Variants in ZNG1E observed in about 807,000 individuals in gnomAD.
ZNG1E encodes zinc-regulated GTPase metalloprotein activator 1E.
the ZNG1E span, among the ~76,000 whole-genome samples, chr9:65,717,766 T>C: frequency 4.6e-3 from 676 of 147,848 alleles, 9 homozygotes; most frequent in South Asian, 0.03. Flanking sequence ...CAGCTCCCTA[T>C]AGCCTCTGTG....
At chr9:65,654,112 TG>T in the ZNG1E span, among the ~76,000 whole-genome samples, 2 of 151,628 alleles carry the variant, frequency 1.3e-5, no homozygotes, top group African/African-American at 4.8e-5. Flanking sequence ...AATTGAATCA[TG>T]GGGGCGGTTA....
At chr9:65,684,364 C>A in the ZNG1E span, among the ~76,000 whole-genome samples, 8 of 150,170 alleles carry the variant, frequency 5.3e-5, no homozygotes, top group Non-Finnish European at 9.0e-5. Context: ...TGGTGAAATC[C>A]AGTCTCTACT....
chr9:65,703,908 C>T, the ZNG1E span: 433 of 940,702 alleles, frequency 4.6e-4, 14 homozygotes, highest in African/African-American at 5.7e-3. Context: ...CAGAGGTAGC[C>T]GAAGAATGCC....
the ZNG1E span, among the ~76,000 whole-genome samples, chr9:65,658,053 C>T: frequency 2.3e-4 from 35 of 151,558 alleles, no homozygotes; most frequent in Middle Eastern, 3.4e-3. Flanking sequence ...GAGCCGAGAC[C>T]GCACCATTGC....
chr9:65,691,535 C>A, the ZNG1E span, among the ~76,000 whole-genome samples: 2 of 152,332 alleles, frequency 1.3e-5, no homozygotes, highest in South Asian at 4.1e-4. Flanking sequence ...AGTGGTGGAA[C>A]TCGATGTCAC....
the ZNG1E span, among the ~76,000 whole-genome samples, chr9:65,722,702 T>TGTA: frequency 6.1e-5 from 8 of 130,870 alleles, no homozygotes; most frequent in Admixed American, 2.4e-4. Flanking sequence ...AGCTAATTTT[T>TGTA]TTTTTTTTTT....
chr9:65,716,681 A>G, the ZNG1E span, among the ~76,000 whole-genome samples: 15 of 151,380 alleles, frequency 9.9e-5, no homozygotes, highest in African/African-American at 2.2e-4. Context: ...AAAAATAAAG[A>G]AAAAAGAAAT....
the ZNG1E span, among the ~76,000 whole-genome samples, chr9:65,685,809 C>G: frequency 6.6e-6 from 1 of 152,250 alleles, no homozygotes; most frequent in Non-Finnish European, 1.5e-5. Flanking sequence ...ATTTACTTTG[C>G]CTAGATCCAT....
At chr9:65,686,757 C>T in the ZNG1E span, among the ~76,000 whole-genome samples, 2 of 152,212 alleles carry the variant, frequency 1.3e-5, no homozygotes, top group Non-Finnish European at 2.9e-5. Context: ...TTGCTGCTTC[C>T]CCTTGCACTT....
At chr9:65,671,418 C>T in the ZNG1E span, among the ~76,000 whole-genome samples, 1 of 151,832 alleles carries the variant, frequency 6.6e-6, no homozygotes, top group Non-Finnish European at 1.5e-5. Context: ...CTTTCGGGTT[C>T]AAGCAATTCT....
At chr9:65,684,535 C>T in the ZNG1E span, among the ~76,000 whole-genome samples, 1 of 112,806 alleles carries the variant, frequency 8.9e-6, no homozygotes, top group Non-Finnish European at 1.9e-5. Context: ...AGACTGTATA[C>T]ACACACACAC....
the ZNG1E span, among the ~76,000 whole-genome samples, chr9:65,714,064 CT>C: frequency 4.0e-5 from 6 of 149,340 alleles, no homozygotes; most frequent in African/African-American, 1.5e-4. Flanking sequence ...TCTTTTTATT[CT>C]TTTTTCTCTA....
the ZNG1E span, chr9:65,683,344 G>GT: frequency 2.7e-5 from 5 of 184,892 alleles, no homozygotes. Context: ...CTAATGCAAT[G>GT]TAAGTGCTGT....
At chr9:65,714,403 C>G in the ZNG1E span, among the ~76,000 whole-genome samples, 208 of 87,826 alleles carry the variant, frequency 2.4e-3, no homozygotes, top group African/African-American at 0.012. Context: ...TGGTGAGGAA[C>G]TGCGTTTCTT....
the ZNG1E span, among the ~76,000 whole-genome samples, chr9:65,705,488 GCA>G: frequency 2.2e-5 from 3 of 138,582 alleles, no homozygotes; most frequent in African/African-American, 8.1e-5. Context: ...AATTTTAAAA[GCA>G]CAGAGTTCTA....
At chr9:65,677,800 T>G in the ZNG1E span, among the ~76,000 whole-genome samples, 1 of 152,062 alleles carries the variant, frequency 6.6e-6, no homozygotes, top group Non-Finnish European at 1.5e-5. Context: ...AAACTAAGGT[T>G]ACTTCAAAGG....
At chr9:65,661,152 C>T in the ZNG1E span, among the ~76,000 whole-genome samples, 35 of 142,092 alleles carry the variant, frequency 2.5e-4, no homozygotes, top group African/African-American at 9.8e-4. Context: ...TTATATAAAA[C>T]ATACCTTGGA....
chr9:65,671,689 G>A, the ZNG1E span, among the ~76,000 whole-genome samples: 1 of 151,928 alleles, frequency 6.6e-6, no homozygotes, highest in Non-Finnish European at 1.5e-5. Context: ...GAGCAGAGGG[G>A]ACTTCCTTAT....
chr9:65,726,328 T>C, the ZNG1E span, among the ~76,000 whole-genome samples: 2 of 44,220 alleles, frequency 4.5e-5, 1 homozygote, highest in African/African-American at 1.4e-4. Flanking sequence ...CCTGGTAATA[T>C]GACAAAACAA....
Sources: allele counts gnomAD v4.1 joint callset (sites outside exome capture counted in the v4.1 genomes callset), GRCh38; gene constraint gnomAD v4.1.1; transcripts MANE v1.5; gene names NCBI Gene and HGNC (gene_info 2026-07-23, HGNC 2026-07-21).